Variants in SLC10A1 observed in about 807,000 individuals in gnomAD.
SLC10A1 encodes solute carrier family 10 member 1, also known as hepatic sodium/bile acid cotransporter.
Under a neutral mutation model 20.5 loss-of-function variants are expected in SLC10A1, and 36 were observed. The observed-to-expected ratio is 1.75, with a 90% CI of 1.34 to 2.32. SLC10A1 has a LOEUF of 2.32. Ranked by LOEUF, SLC10A1 falls within the 30% of genes most tolerant of loss-of-function variation. SLC10A1 has a pLI of 0.00. For synonymous variants in SLC10A1, 188 were observed against 163.6 expected (o/e 1.15, Z -1.14); for missense variants, 545 against 439.1 (o/e 1.24, Z -2.16).
intron 1 of SLC10A1, among the ~76,000 whole-genome samples, chr14:69,791,688 A>G (rs558897782): frequency 1.3e-3 from 199 of 152,360 alleles, no homozygotes; most frequent in Non-Finnish European, 2.5e-3. Flanking sequence ...AACTGGTACA[A>G]GGGTAGCCAC....
At position 69,797,083 on chromosome 14, in the gene SLC10A1, G is replaced by A. The variant is rs1042243993; in HGVS notation, c.73C>T (p.Leu25=). The stretch of plus-strand genomic sequence containing the variant: ...AACACCAGGATGACGCTCAGTGCCA[G>A]GTCTGTGGGGCGCTTGCCAAAGTTG... ...PPNFGKRPTD[L]ALSVILVFML... is the part of the protein sequence containing the mutation. The change falls in exon 1 of 5, where the codon CTG becomes TTG. Residue 25 remains leucine, a synonymous_variant. Coordinates refer to ENST00000216540, the MANE Select transcript of SLC10A1 (RefSeq NM_003049.4). The A allele has an allele frequency of 8.1e-6, 13 of 1,614,026 alleles. No individual in the cohort carries two copies. Among genetic ancestry groups the A allele is most frequent in the Non-Finnish European group, 1.0e-5 (12 of 1,180,038 alleles).
chr14:69,778,787 C>A (rs1187823183), intron 3 of SLC10A1, among the ~76,000 whole-genome samples: 2 of 152,134 alleles, frequency 1.3e-5, no homozygotes, highest in African/African-American at 4.8e-5. Context: ...AAGTGTCTTG[C>A]CCAGATTTCA....
chr14:69,794,837 C>T (rs1882354805), intron 1 of SLC10A1, among the ~76,000 whole-genome samples: 1 of 152,126 alleles, frequency 6.6e-6, no homozygotes, highest in African/African-American at 2.4e-5. Context: ...AGCAGGAGAG[C>T]ATGAGGGGTC....
chr14:69,796,737 C>T (rs1882391701), intron 1 of SLC10A1, 63 bp downstream of exon 1: 15 of 1,354,008 alleles, frequency 1.1e-5, no homozygotes, highest in Non-Finnish European at 1.0e-5. Context: ...CTCTTCCCCT[C>T]AATTGTGACA....
chr14:69,779,341 A>G lies in SLC10A1; in HGVS notation c.587T>C (p.Leu196Pro), dbSNP rs1020894026. 8.1e-6 allele frequency: 13 copies of G among 1,611,828 alleles called. No individual in the cohort carries two copies. In the African/African-American group the frequency reaches 1.7e-4, roughly 22 times the overall value. Residue 196 changes from leucine (L) to proline (P), a missense_variant, in exon 3 of 5, where the codon CTC becomes CCC. By Grantham distance (98) the Leu-to-Pro change is moderately conservative (BLOSUM62 -3). Coordinates refer to ENST00000216540, the MANE Select transcript of SLC10A1 (RefSeq NM_003049.4). ...AACTGTGACGGCCACACTGCACAAG[A>G]GAATGATGATCATCCCTCCCTGGGA... ...YVIKGGMIIILLCSVAVTVLS... is the reference protein window; with the variant it reads ...YVIKGGMIIIPLCSVAVTVLS...
intron 2 of SLC10A1, among the ~76,000 whole-genome samples, chr14:69,781,636 G>GTA (rs1433370863): frequency 2.6e-5 from 4 of 152,224 alleles, no homozygotes; most frequent in African/African-American, 9.6e-5. Context: ...AAATGCATGA[G>GTA]TAGAGTGTTG....
At chr14:69,777,591 T>G (rs1222938705) in intron 4 of SLC10A1, among the ~76,000 whole-genome samples, 11 of 96,626 alleles carry the variant, frequency 1.1e-4, no homozygotes, top group East Asian at 5.2e-4. Context: ...TTTTTTTTTT[T>G]TTTTTTTTTT....
chr14:69,795,795 C>T (rs532106317), intron 1 of SLC10A1, among the ~76,000 whole-genome samples: 1 of 152,086 alleles, frequency 6.6e-6, no homozygotes. Flanking sequence ...GTTAGTTTTC[C>T]TAGGAAAGTT....
Position 69,778,537 on chromosome 14 carries a change from G to C in SLC10A1, c.747-8C>G, listed in dbSNP as rs529819230. 1.3e-6 allele frequency: 2 copies of C among 1,583,800 alleles called. No homozygotes were observed. The highest frequency in any genetic ancestry group is 1.7e-6 in the Non-Finnish European group (2 of 1,167,694). On this transcript the variant is annotated splice_polypyrimidine_tract_variant and splice_region_variant and intron_variant, in intron 3 of 4. Coordinates refer to ENST00000216540, the MANE Select transcript of SLC10A1 (RefSeq NM_003049.4). ...CTGACAGTGCGTCTGCACCTGTGCC[G>C]GTGAAGAAAACCCCACATACACTCA...
intron 2 of SLC10A1, among the ~76,000 whole-genome samples, chr14:69,780,311 T>C (rs1274762808): frequency 1.3e-5 from 2 of 152,254 alleles, no homozygotes; most frequent in Non-Finnish European, 2.9e-5. Flanking sequence ...TTTAGAGAAT[T>C]GCGTCCTCCA....
Position 69,779,345 on chromosome 14 carries a change from T to G in SLC10A1, c.583A>C (p.Ile195Leu), listed in dbSNP as rs145747967. 1.6e-5 allele frequency: 25 copies of G among 1,610,566 alleles called. No individual in the cohort carries two copies. In the African/African-American group the frequency reaches 3.1e-4, roughly 20 times the overall value. The stretch of plus-strand genomic sequence containing the variant: ...GTGACGGCCACACTGCACAAGAGAA[T>G]GATGATCATCCCTCCCTGGGAATGA... ...RYVIKGGMII[I>L]LLCSVAVTVL... Residue 195 changes from isoleucine to leucine, a missense_variant, in exon 3 of 5, where the codon ATT (isoleucine) becomes CTT (leucine). Coordinates refer to ENST00000216540, the MANE Select transcript of SLC10A1 (RefSeq NM_003049.4).
At chr14:69,779,950 G>T (rs1883552019) in intron 2 of SLC10A1, among the ~76,000 whole-genome samples, 1 of 152,150 alleles carries the variant, frequency 6.6e-6, no homozygotes, top group Non-Finnish European at 1.5e-5. Context: ...CAAATACCTT[G>T]ATTACAGATA....
chr14:69,783,128 T>A (rs1420055110), intron 2 of SLC10A1, among the ~76,000 whole-genome samples: 1 of 152,232 alleles, frequency 6.6e-6, no homozygotes, highest in Non-Finnish European at 1.5e-5. Context: ...AATGAAATGA[T>A]GCACACAAAC....
rs904774729 is a variant in SLC10A1 at position 69,775,618 on chromosome 14, A to G, written c.*664T>C. 6 of 152,228 alleles carry G rather than the reference A, an allele frequency of 3.9e-5. No individual in the cohort carries two copies. Among genetic ancestry groups the G allele is most frequent in the Non-Finnish European group, 7.3e-5 (5 of 68,048 alleles). 9.4% of individuals were successfully genotyped at this position (152,228 alleles called of 1,614,324 possible). On this transcript the variant is annotated 3_prime_UTR_variant, in exon 5 of 5. Coordinates refer to ENST00000216540, the MANE Select transcript of SLC10A1 (RefSeq NM_003049.4). Reference sequence around the variant, plus strand: ...TAGTGAGGTAACATTGTGTTAATGTATGTGTTTGTTTCCTGGTTTTTCCTT... The same window carrying G: ...TAGTGAGGTAACATTGTGTTAATGTGTGTGTTTGTTTCCTGGTTTTTCCTT...
chr14:69,785,798 G>A (rs1394468834), intron 2 of SLC10A1, among the ~76,000 whole-genome samples: 1 of 148,698 alleles, frequency 6.7e-6, no homozygotes, highest in African/African-American at 2.5e-5. Context: ...TAATGGAGAC[G>A]GGGTTTCGTC....
rs796449182 is a variant in SLC10A1 at position 69,791,591 on chromosome 14, T to C, written c.356+5209A>G. 2.0e-5 allele frequency among the ~76,000 whole-genome samples: 3 copies of C among 152,252 alleles called. No individual in the cohort carries two copies. The South Asian group carries it at 6.2e-4, about 32-fold the overall frequency. On this transcript the variant is annotated intron_variant, in intron 1 of 4. Transcript: ENST00000216540. ...CTGGGATTACAGGCGTGAGCCACTG[T>C]GCCCGGCCCATGATTTTCAAGAACA...
chr14:69,779,426 G>A (rs1179064054), intron 2 of SLC10A1, 66 bp from the exon 3 acceptor site: 30 of 1,327,030 alleles, frequency 2.3e-5, no homozygotes, highest in South Asian at 3.0e-5. Context: ...AGGTGGGGAA[G>A]CACAGGTAGA....
chr14:69,776,864 A>G (rs1036431303), intron 4 of SLC10A1, among the ~76,000 whole-genome samples: 18 of 152,328 alleles, frequency 1.2e-4, no homozygotes, highest in Non-Finnish European at 2.2e-4. Flanking sequence ...TTCTATACAG[A>G]TGGGAGAGTT....
chr14:69,776,622 C>T (rs948028009), intron 4 of SLC10A1, among the ~76,000 whole-genome samples: 2 of 152,210 alleles, frequency 1.3e-5, no homozygotes, highest in Non-Finnish European at 2.9e-5. Context: ...ATTGTGTCTT[C>T]ATCATCACTT....
Sources: allele counts gnomAD v4.1 joint callset (sites outside exome capture counted in the v4.1 genomes callset), GRCh38; gene constraint gnomAD v4.1.1; transcripts MANE v1.5; gene names NCBI Gene and HGNC (gene_info 2026-07-23, HGNC 2026-07-21).